The following SP100 variants were observed in gnomAD, a reference collection of about 807,000 sequenced individuals.
The protein encoded by SP100 is nuclear autoantigen Sp-100.
A neutral mutation model predicts 130.0 loss-of-function variants in SP100; 84 were observed. The ratio of observed to expected loss-of-function variants is 0.65; its 90% CI spans 0.54 to 0.77. The LOEUF is 0.77. SP100 is among the 30% of genes least tolerant of loss of function. SP100 has a pLI of 0.00. For synonymous variants in SP100, 331 were observed against 351.7 expected (o/e 0.94, Z 0.66); for missense variants, 978 against 1,052.2 (o/e 0.93, Z 0.97).
At chr2:230,463,810 C>A in intron 10 of SP100, 1 of 254,458 alleles carries the variant, frequency 3.9e-6, no homozygotes, top group Non-Finnish European at 7.6e-6. Context: ...GAATGGCAAG[C>A]AGAAGGGATA....
intron 17 of SP100, among the ~76,000 whole-genome samples, chr2:230,492,836 T>C (rs1340234877): frequency 6.6e-6 from 1 of 152,234 alleles, no homozygotes. Context: ...TATTTATACC[T>C]GAAAAATAGT....
chr2:230,496,713 A>C (rs774981286), intron 18 of SP100, among the ~76,000 whole-genome samples: 19 of 152,088 alleles, frequency 1.2e-4, no homozygotes, highest in Non-Finnish European at 2.1e-4. Flanking sequence ...AGTTCCCCTA[A>C]TTCAGGAACT....
At chr2:230,421,957 T>C (rs1213472759) in intron 2 of SP100, among the ~76,000 whole-genome samples, 2 of 152,158 alleles carry the variant, frequency 1.3e-5, no homozygotes, top group Non-Finnish European at 1.5e-5. Context: ...CTCTCTCTTT[T>C]ATCTTTTGGA....
At chr2:230,470,415 A>G (rs2065207719) in intron 15 of SP100, 2 of 1,012,880 alleles carry the variant, frequency 2.0e-6, no homozygotes, top group South Asian at 4.1e-5. Flanking sequence ...TTAGATTTTT[A>G]TAGTGATAAA....
chr2:230,438,164 AATATCG>A (rs1336596843), intron 2 of SP100, among the ~76,000 whole-genome samples: 1 of 152,134 alleles, frequency 6.6e-6, no homozygotes, highest in Non-Finnish European at 1.5e-5. Context: ...GATTCCAGTC[AATATCG>A]ATATCATCAA....
intron 14 of SP100, chr2:230,469,780 T>TA (rs372197214): frequency 6.7e-3 from 7,283 of 1,093,946 alleles, no homozygotes; most frequent in East Asian, 0.017. Flanking sequence ...TTCCCAAAGT[T>TA]AAAAAAAAAA....
intron 17 of SP100, among the ~76,000 whole-genome samples, chr2:230,481,540 C>A (rs923186826): frequency 1.6e-4 from 25 of 152,324 alleles, no homozygotes; most frequent in African/African-American, 5.8e-4. Context: ...GCCCTATTAT[C>A]TTGCATGTGG....
At chr2:230,420,850 C>T (rs1426055132) in intron 2 of SP100, among the ~76,000 whole-genome samples, 1 of 152,106 alleles carries the variant, frequency 6.6e-6, no homozygotes, top group Non-Finnish European at 1.5e-5. Context: ...AACTTTTTGG[C>T]TCTTACTTTT....
In SP100 at chr2:230,545,462, A is replaced by G. The variant is rs534425863; in HGVS notation, c.*2516A>G. 2.2e-4 allele frequency among the ~76,000 whole-genome samples: 33 copies of G among 152,306 alleles called. No homozygotes were observed. Among genetic ancestry groups the G allele is most frequent in the Non-Finnish European group, 1.8e-4 (12 of 68,034 alleles). ...TGGGAAGAGGGAGAGGAGCAGAAAA[A>G]GTACCTATTGGTGATGAAGTACTCT... is the stretch of plus-strand genomic sequence containing the variant. On this transcript the variant is annotated 3_prime_UTR_variant, in exon 29 of 29. Coordinates refer to ENST00000340126, the MANE Select transcript of SP100 (RefSeq NM_001080391.2).
intron 24 of SP100, among the ~76,000 whole-genome samples, chr2:230,519,345 G>A (rs1017997949): frequency 1.3e-5 from 2 of 152,174 alleles, no homozygotes; most frequent in Admixed American, 6.5e-5. Context: ...ATAACTCATC[G>A]GTGTCATTCG....
chr2:230,540,867 A>G lies in SP100; in HGVS notation c.2211-9A>G. 1 of 1,609,076 alleles carries G rather than the reference A, an allele frequency of 6.2e-7. No individual in the cohort carries two copies. Among genetic ancestry groups the G allele is most frequent in the African/African-American group, 1.3e-5 (1 of 74,884 alleles). ...CCTGCCATTGCTCACTTTATGCCCC[A>G]TCTCTCAGGAACCCGTGGAGTTGCA... is the stretch of plus-strand genomic sequence containing the variant. On this transcript the variant is annotated splice_polypyrimidine_tract_variant and intron_variant, in intron 25 of 28. Coordinates refer to ENST00000340126, the MANE Select transcript of SP100 (RefSeq NM_001080391.2).
At chr2:230,443,985 C>G (rs556571507) in intron 3 of SP100, among the ~76,000 whole-genome samples, 193 bp from the exon 4 acceptor site, 2 of 152,322 alleles carry the variant, frequency 1.3e-5, no homozygotes, top group African/African-American at 2.4e-5. Context: ...TCAGGCTCAT[C>G]AGTGGGCATT....
intron 1 of SP100, among the ~76,000 whole-genome samples, 175 bp downstream of exon 1, chr2:230,416,503 CAGG>C (rs1273090544): frequency 1.3e-5 from 2 of 152,096 alleles, no homozygotes; most frequent in Non-Finnish European, 2.9e-5. Context: ...ATTTTTTAAA[CAGG>C]AGCAGGACAG....
intron 24 of SP100, among the ~76,000 whole-genome samples, chr2:230,518,527 A>G (rs1691028946): frequency 6.6e-6 from 1 of 151,892 alleles, no homozygotes; most frequent in African/African-American, 2.4e-5. Context: ...AACATTTTTT[A>G]TCTTAATTGG....
At chr2:230,541,443 A>T (rs2150118015) in intron 27 of SP100, 71 bp downstream of exon 27, 20 of 1,292,800 alleles carry the variant, frequency 1.5e-5, no homozygotes, top group Non-Finnish European at 2.2e-5. Context: ...CCATGGCACA[A>T]GGTGCCATTC....
At chr2:230,506,599 C>T (rs1277547210) in intron 22 of SP100, 154 bp downstream of exon 22, 3 of 679,494 alleles carry the variant, frequency 4.4e-6, no homozygotes, top group Non-Finnish European at 7.3e-6. Flanking sequence ...CTCACCTGAA[C>T]ATTACGTTGG....
intron 23 of SP100, chr2:230,510,473 CTTTTTTTTTTTTTTTTTTTTTTTTTTT>C (rs71052515): frequency 2.1e-5 from 2 of 93,660 alleles, no homozygotes; most frequent in African/African-American, 9.1e-5. Context: ...ATGACACTTC[CTTTTTTTTTTTTTTTTTTTTTTTTTTT>C]TTTTTTTTTT....
chr2:230,494,267 A>C, intron 17 of SP100, 149 bp from the exon 18 acceptor site: 1 of 669,096 alleles, frequency 1.5e-6, no homozygotes, highest in South Asian at 1.7e-5. Context: ...GCGTGACAAC[A>C]ACCAAGATGG....
At chr2:230,421,959 T>C (rs1224894275) in intron 2 of SP100, among the ~76,000 whole-genome samples, 2 of 152,148 alleles carry the variant, frequency 1.3e-5, no homozygotes, top group African/African-American at 4.8e-5. Flanking sequence ...CTCTCTTTTA[T>C]CTTTTGGAAT....
Sources: gnomAD v4.1 joint callset for allele counts (sites outside exome capture counted in the v4.1 genomes callset) on GRCh38, gnomAD v4.1.1 for gene constraint, MANE v1.5 for transcripts, NCBI Gene and HGNC (gene_info 2026-07-23, HGNC 2026-07-21) for gene names.